The following RARB variants were observed in gnomAD, a reference collection of about 807,000 sequenced individuals.
RARB encodes the protein HBV-activated protein.
Under a neutral mutation model 51.9 loss-of-function variants are expected in RARB, and 17 were observed. That is an observed-to-expected ratio of 0.33 (90% CI 0.22 to 0.49). The LOEUF is 0.49. Among genes scored for constraint, RARB ranks in the 20% least tolerant of loss-of-function variants. The pLI is 0.99. For synonymous variants in RARB, 215 were observed against 195.4 expected, an observed-to-expected ratio of 1.10 and a Z score of -0.84; for missense variants, 369 against 550.8, an observed-to-expected ratio of 0.67 and a Z score of 3.30.
In RARB at chr3:25,335,831, G is replaced by A. The variant is rs1559362144; in HGVS notation, c.179-125362G>A. Among the ~76,000 whole-genome samples the A allele has an allele frequency of 9.8e-5, 15 of 152,290 alleles. No homozygotes were observed. The South Asian group carries it at 2.9e-3, about 29-fold the overall frequency. ...ATATTTTGTCACCTATGTGGCCAGG[G>A]AACAGTCCACAGGAAAATACAGGAG... On this transcript the variant is annotated intron_variant, in intron 5 of 11. Coordinates refer to the RARB transcript ENST00000383772.
chr3:25,386,257 G>A (rs1384255014), intron 5 of RARB, among the ~76,000 whole-genome samples: 1 of 152,116 alleles, frequency 6.6e-6, no homozygotes, highest in African/African-American at 2.4e-5. Flanking sequence ...AAGTGGAAAG[G>A]GAAGGGTGGG....
intron 4 of RARB, among the ~76,000 whole-genome samples, chr3:25,140,521 G>T (rs1205625296): frequency 6.6e-6 from 1 of 152,200 alleles, no homozygotes; most frequent in African/African-American, 2.4e-5. Flanking sequence ...ATGAGGAGTT[G>T]CTTCTTGTGG....
At chr3:25,254,146 G>A (rs1196636890) in intron 5 of RARB, among the ~76,000 whole-genome samples, 3 of 152,248 alleles carry the variant, frequency 2.0e-5, no homozygotes, top group East Asian at 1.9e-4. Context: ...TCAATTGCTT[G>A]ACATAACTTC....
intron 5 of RARB, among the ~76,000 whole-genome samples, chr3:25,188,977 T>C (rs1015911113): frequency 2.6e-5 from 4 of 152,108 alleles, no homozygotes; most frequent in Non-Finnish European, 5.9e-5. Context: ...AGATAATAAA[T>C]GTTGCTCAAA....
intron 5 of RARB, among the ~76,000 whole-genome samples, chr3:25,349,856 G>T (rs1442246172): frequency 1.3e-5 from 2 of 152,124 alleles, no homozygotes; most frequent in Non-Finnish European, 2.9e-5. Flanking sequence ...TTCTTGGTAG[G>T]ACTCTGCTCT....
At chr3:24,964,351 T>C (rs1015416112) in intron 2 of RARB, among the ~76,000 whole-genome samples, 26 of 152,272 alleles carry the variant, frequency 1.7e-4, no homozygotes, top group African/African-American at 5.8e-4. Flanking sequence ...GAGAGAAATA[T>C]CCTCTTTTTT....
At chr3:25,571,649 G>A (rs1012915759) in intron 4 of RARB, among the ~76,000 whole-genome samples, 2 of 152,216 alleles carry the variant, frequency 1.3e-5, no homozygotes, top group Non-Finnish European at 1.5e-5. Flanking sequence ...CATGTATCCA[G>A]AACAGAGGCC....
intron 2 of RARB, among the ~76,000 whole-genome samples, chr3:24,957,446 A>T (rs1696041336): frequency 6.6e-6 from 1 of 152,186 alleles, no homozygotes; most frequent in African/African-American, 2.4e-5. Flanking sequence ...GGAAGTGGAG[A>T]GACGTCAAAT....
intron 5 of RARB, among the ~76,000 whole-genome samples, chr3:25,287,752 C>G (rs1466912645): frequency 1.3e-5 from 2 of 152,148 alleles, no homozygotes; most frequent in Non-Finnish European, 2.9e-5. Flanking sequence ...ATATTTTCCA[C>G]TGTTCAGTTT....
At chr3:25,022,522 T>G (rs575835207) in intron 2 of RARB, among the ~76,000 whole-genome samples, 3 of 152,314 alleles carry the variant, frequency 2.0e-5, no homozygotes, top group African/African-American at 7.2e-5. Flanking sequence ...GTCAAACTAT[T>G]CCAAAGCGGC....
chr3:25,583,133 C>T (rs1327043510), intron 5 of RARB, among the ~76,000 whole-genome samples: 1 of 152,134 alleles, frequency 6.6e-6, no homozygotes, highest in Non-Finnish European at 1.5e-5. Context: ...TCCAATCATA[C>T]CAGACAAAGT....
intron 4 of RARB, among the ~76,000 whole-genome samples, chr3:25,146,145 T>C (rs1700185267): frequency 6.6e-6 from 1 of 152,170 alleles, no homozygotes; most frequent in African/African-American, 2.4e-5. Flanking sequence ...CTCTCAGATA[T>C]TTGGTTTTCT....
intron 5 of RARB, among the ~76,000 whole-genome samples, chr3:25,184,268 C>A (rs564774042): frequency 6.6e-6 from 1 of 151,904 alleles, no homozygotes; most frequent in Non-Finnish European, 1.5e-5. Flanking sequence ...ATAAGCTTTG[C>A]AAATGTTCAG....
chr3:25,043,208 C>T (rs1698148032), intron 2 of RARB, among the ~76,000 whole-genome samples: 3 of 152,136 alleles, frequency 2.0e-5, no homozygotes, highest in Admixed American at 1.3e-4. Flanking sequence ...CTCATTCTAA[C>T]ATTATTGGAA....
chr3:25,224,475 G>T (rs558827615), intron 5 of RARB, among the ~76,000 whole-genome samples: 1 of 152,284 alleles, frequency 6.6e-6, no homozygotes, highest in Non-Finnish European at 1.5e-5. Flanking sequence ...AAATCACAAT[G>T]AATGGCAAAA....
chr3:25,589,253 C>A (rs1701521406), intron 5 of RARB, among the ~76,000 whole-genome samples: 1 of 152,132 alleles, frequency 6.6e-6, no homozygotes, highest in Non-Finnish European at 1.5e-5. Flanking sequence ...AGTGCAAACA[C>A]TTTGCCTCAG....
intron 2 of RARB, among the ~76,000 whole-genome samples, chr3:24,958,260 T>TG (rs1325461003): frequency 2.1e-3 from 92 of 44,830 alleles, no homozygotes; most frequent in Non-Finnish European, 3.0e-3. Flanking sequence ...CTCAGGTTTT[T>TG]TTTTTTTTTT....
rs79790147 is a variant in RARB at position 25,186,768 on chromosome 3, C to T, written c.178+12193C>T. Among the ~76,000 whole-genome samples, 97 of 152,066 alleles carry T rather than the reference C, an allele frequency of 6.4e-4. No homozygotes were observed. In the East Asian group the frequency reaches 0.015, roughly 24 times the overall value. ...TCCTCACCCATCTCTAGATTCATGACTGAGACACCTATAACAAAAGACAGA... is the reference window on the plus strand; with the variant it reads ...TCCTCACCCATCTCTAGATTCATGATTGAGACACCTATAACAAAAGACAGA... On this transcript the variant is annotated intron_variant, in intron 5 of 11. Transcript: ENST00000383772.
At chr3:25,577,536 C>T (rs1700989543) in intron 4 of RARB, among the ~76,000 whole-genome samples, 1 of 152,072 alleles carries the variant, frequency 6.6e-6, no homozygotes, top group Non-Finnish European at 1.5e-5. Context: ...CCCAACATTG[C>T]CACAGAATTT....
Sources: allele counts gnomAD v4.1 joint callset (sites outside exome capture counted in the v4.1 genomes callset), GRCh38; gene constraint gnomAD v4.1.1; transcripts MANE v1.5; gene names NCBI Gene and HGNC (gene_info 2026-07-23, HGNC 2026-07-21).